Variants in PGCKA1 observed in about 807,000 individuals in gnomAD.
PGCKA1 encodes PDCD10 and GCKIII kinases associated 1, also known as PDCD10 and GCKIII kinases-associated protein 1.
chr4:37,587,223 A>G, the PGCKA1 span, among the ~76,000 whole-genome samples: 1 of 152,070 alleles, frequency 6.6e-6, no homozygotes, highest in Non-Finnish European at 1.5e-5. Context: ...CATTTATTTA[A>G]TTGTATTTAG....
At chr4:37,493,884 C>T in the PGCKA1 span, among the ~76,000 whole-genome samples, 1 of 152,128 alleles carries the variant, frequency 6.6e-6, no homozygotes, top group Non-Finnish European at 1.5e-5. Flanking sequence ...AGTTCCATCC[C>T]TGTTGTTGCA....
the PGCKA1 span, among the ~76,000 whole-genome samples, chr4:37,554,130 A>G: frequency 6.6e-6 from 1 of 152,056 alleles, no homozygotes; most frequent in Non-Finnish European, 1.5e-5. Context: ...ATGGTTTTAT[A>G]AAGGGCAGTT....
At chr4:37,516,794 G>T in the PGCKA1 span, among the ~76,000 whole-genome samples, 1 of 152,080 alleles carries the variant, frequency 6.6e-6, no homozygotes, top group Non-Finnish European at 1.5e-5. Context: ...ATTAAATTTT[G>T]GCTTCTTAGA....
chr4:37,463,956 A>G, the PGCKA1 span, among the ~76,000 whole-genome samples: 3 of 152,204 alleles, frequency 2.0e-5, no homozygotes, highest in African/African-American at 2.4e-5. Flanking sequence ...GCTGGAGCAC[A>G]TCGCAGGTCC....
At chr4:37,592,836 T>G in the PGCKA1 span, among the ~76,000 whole-genome samples, 1 of 152,264 alleles carries the variant, frequency 6.6e-6, no homozygotes, top group Non-Finnish European at 1.5e-5. Context: ...AATGATGTTT[T>G]ACTAGTTGAA....
chr4:37,456,160 T>A, the PGCKA1 span, among the ~76,000 whole-genome samples: 1 of 151,826 alleles, frequency 6.6e-6, no homozygotes, highest in Non-Finnish European at 1.5e-5. Context: ...AAAGGGGTCA[T>A]CCTAGGGGAA....
the PGCKA1 span, among the ~76,000 whole-genome samples, chr4:37,479,988 T>C: frequency 6.6e-6 from 1 of 152,210 alleles, no homozygotes; most frequent in Non-Finnish European, 1.5e-5. Flanking sequence ...TCATGAAGTA[T>C]TTATAAAATA....
At chr4:37,481,223 G>A in the PGCKA1 span, among the ~76,000 whole-genome samples, 2 of 151,840 alleles carry the variant, frequency 1.3e-5, no homozygotes, top group Non-Finnish European at 2.9e-5. Flanking sequence ...TGTGTTAGTC[G>A]GCTAGGGCCG....
At chr4:37,469,230 G>A in the PGCKA1 span, among the ~76,000 whole-genome samples, 4 of 152,110 alleles carry the variant, frequency 2.6e-5, no homozygotes, top group Admixed American at 6.6e-5. Flanking sequence ...ATCACCTAGC[G>A]ACACCTTTCT....
the PGCKA1 span, among the ~76,000 whole-genome samples, chr4:37,534,335 G>A: frequency 1.3e-5 from 2 of 152,086 alleles, no homozygotes; most frequent in Non-Finnish European, 2.9e-5. Context: ...CCACAGCTGG[G>A]GCCTTGACTA....
chr4:37,493,286 A>C, the PGCKA1 span, among the ~76,000 whole-genome samples: 1 of 152,210 alleles, frequency 6.6e-6, no homozygotes, highest in Non-Finnish European at 1.5e-5. Context: ...ACAACATGTA[A>C]TTATCTGTTC....
chr4:37,575,567 GA>G, the PGCKA1 span, among the ~76,000 whole-genome samples: 10 of 152,054 alleles, frequency 6.6e-5, no homozygotes, highest in Non-Finnish European at 1.3e-4. Context: ...TCACTCCGTT[GA>G]TTGTTTTCTT....
chr4:37,569,059 T>C, the PGCKA1 span, among the ~76,000 whole-genome samples: 1 of 150,778 alleles, frequency 6.6e-6, no homozygotes, highest in African/African-American at 2.4e-5. Context: ...ATGATGCCAC[T>C]GTGCTCCAGC....
At chr4:37,458,091 C>T in the PGCKA1 span, among the ~76,000 whole-genome samples, 2 of 152,236 alleles carry the variant, frequency 1.3e-5, no homozygotes, top group South Asian at 4.1e-4. Flanking sequence ...GGAAAAGAAC[C>T]TTAAAAGTTA....
chr4:37,489,064 C>T, the PGCKA1 span, among the ~76,000 whole-genome samples: 4 of 152,064 alleles, frequency 2.6e-5, no homozygotes, highest in Non-Finnish European at 5.9e-5. Context: ...TTTTGGTATA[C>T]GCAGAGGTCC....
the PGCKA1 span, among the ~76,000 whole-genome samples, chr4:37,572,148 C>T: frequency 5.4e-5 from 8 of 147,308 alleles, no homozygotes; most frequent in African/African-American, 2.0e-4. Context: ...CTGCAAGCTC[C>T]GCCTCCCGGG....
At chr4:37,572,180 A>G in the PGCKA1 span, among the ~76,000 whole-genome samples, 2 of 144,108 alleles carry the variant, frequency 1.4e-5, no homozygotes, top group Admixed American at 7.3e-5. Context: ...CTCCTGCCTC[A>G]GCCTCCCAAG....
the PGCKA1 span, among the ~76,000 whole-genome samples, chr4:37,466,851 A>C: frequency 6.6e-6 from 1 of 152,244 alleles, no homozygotes; most frequent in Admixed American, 6.5e-5. Flanking sequence ...TAATCCCAGC[A>C]CTTTGGGAGG....
At chr4:37,514,474 G>A in the PGCKA1 span, among the ~76,000 whole-genome samples, 1 of 151,832 alleles carries the variant, frequency 6.6e-6, no homozygotes, top group Non-Finnish European at 1.5e-5. Context: ...TCACTGGATC[G>A]GGATAAAAGA....
Sources: allele counts gnomAD v4.1 joint callset (sites outside exome capture counted in the v4.1 genomes callset), GRCh38; gene constraint gnomAD v4.1.1; transcripts MANE v1.5; gene names NCBI Gene and HGNC (gene_info 2026-07-23, HGNC 2026-07-21).